Variants in CNTLN observed in about 807,000 individuals in gnomAD.
CNTLN encodes centlein, also known as centlein, centrosomal protein.
In CNTLN, 212 loss-of-function variants were observed where a neutral mutation model predicts 180.0. The ratio of observed to expected loss-of-function variants is 1.18; its 90% CI spans 1.05 to 1.32. CNTLN has a LOEUF of 1.32. Ranked by LOEUF, CNTLN falls within the 40% of genes most tolerant of loss-of-function variation. CNTLN has a pLI of 0.00. For missense variants in CNTLN, 2,095 were observed against 1,610.9 expected (o/e 1.30, Z -5.14); for synonymous variants, 722 against 563.1 (o/e 1.28, Z -3.99).
chr9:17,432,502 G>A lies in CNTLN; in HGVS notation c.3114+16313G>A, dbSNP rs138086354. Among the ~76,000 whole-genome samples the A allele has an allele frequency of 4.4e-3, 666 of 152,242 alleles. 12 individuals are homozygous for A. Among genetic ancestry groups the A allele is most frequent in the Admixed American group, 0.033 (510 of 15,300 alleles). On this transcript the variant is annotated intron_variant, in intron 18 of 25. Transcript: ENST00000380647. Reference sequence around the variant, plus strand: ...TAGAGACAAAGGAATGAAAAACACAGAAGATATATGAGTTATGAAGGGAAA... The same window carrying A: ...TAGAGACAAAGGAATGAAAAACACAAAAGATATATGAGTTATGAAGGGAAA...
intron 13 of CNTLN, among the ~76,000 whole-genome samples, chr9:17,383,634 G>A (rs1033317605): frequency 6.6e-6 from 1 of 151,786 alleles, no homozygotes; most frequent in East Asian, 1.9e-4. Context: ...GAAGTAATTC[G>A]TAACATGAAT....
intron 15 of CNTLN, among the ~76,000 whole-genome samples, chr9:17,398,090 T>C (rs148079352): frequency 2.0e-5 from 3 of 152,276 alleles, no homozygotes; most frequent in African/African-American, 7.2e-5. Flanking sequence ...TCAGTATTTA[T>C]TTCCCATAGT....
chr9:17,246,753 C>T (rs529888719), intron 5 of CNTLN, among the ~76,000 whole-genome samples: 157 of 152,292 alleles, frequency 1.0e-3, no homozygotes, highest in African/African-American at 3.6e-3. Flanking sequence ...AACCAAGCAT[C>T]AATACAAAGT....
intron 12 of CNTLN, among the ~76,000 whole-genome samples, chr9:17,351,718 C>T (rs977851402): frequency 2.0e-5 from 3 of 152,170 alleles, no homozygotes; most frequent in Non-Finnish European, 4.4e-5. Context: ...TAAACATCTG[C>T]ATCCACTCTT....
intron 2 of CNTLN, among the ~76,000 whole-genome samples, chr9:17,173,499 G>A (rs532047051): frequency 2.6e-5 from 4 of 152,260 alleles, no homozygotes; most frequent in African/African-American, 7.2e-5. Context: ...TTGTAGAAGC[G>A]TGGACAGATG....
At chr9:17,235,354 A>G (rs1825074247) in intron 3 of CNTLN, among the ~76,000 whole-genome samples, 1 of 152,166 alleles carries the variant, frequency 6.6e-6, no homozygotes, top group East Asian at 1.9e-4. Context: ...TTTAATTAGA[A>G]TGGTTCGTAA....
intron 2 of CNTLN, among the ~76,000 whole-genome samples, chr9:17,211,207 T>G (rs1342118469): frequency 6.6e-6 from 1 of 152,220 alleles, no homozygotes; most frequent in Non-Finnish European, 1.5e-5. Context: ...TTTAAGTCTT[T>G]AATCCCTCTT....
At chr9:17,251,386 G>A (rs1576961) in intron 5 of CNTLN, among the ~76,000 whole-genome samples, 31,059 of 151,576 alleles carry the variant, frequency 0.2, 4,031 homozygotes, top group African/African-American at 0.36. Context: ...CCCATAATAT[G>A]TGTGTTGGTC....
chr9:17,381,407 A>G (rs559130140), intron 13 of CNTLN, among the ~76,000 whole-genome samples: 1 of 152,362 alleles, frequency 6.6e-6, no homozygotes, highest in South Asian at 2.1e-4. Context: ...AGCATTCTGC[A>G]CTGACACCTC....
intron 23 of CNTLN, among the ~76,000 whole-genome samples, chr9:17,469,059 C>T (rs1010805664): frequency 4.6e-5 from 7 of 151,668 alleles, no homozygotes; most frequent in Non-Finnish European, 1.0e-4. Context: ...TTACCTTCAT[C>T]AGAATCCTGT....
rs775986829 is a variant in CNTLN at position 17,179,243 on chromosome 9, CAAAAAAAAAA to C, written c.449+35878_449+35887del. The stretch of plus-strand genomic sequence containing the variant: ...TGGGCGACAGAGCGAGACTCCGTCT[CAAAAAAAAAA>C]AAAAAAAAAAGAAGAAGTGTAGATT... On this transcript the variant is annotated intron_variant, in intron 2 of 25. Transcript: ENST00000380647. 7.2e-4 allele frequency among the ~76,000 whole-genome samples: 45 copies of C among 62,234 alleles called. 1 individual carries two copies. The highest frequency in any genetic ancestry group is 1.1e-3 in the Non-Finnish European group (30 of 28,040). 40.8% of individuals were successfully genotyped at this position (62,234 alleles called of 152,430 possible).
chr9:17,321,714 T>C (rs10810755), intron 8 of CNTLN, among the ~76,000 whole-genome samples: 36,608 of 152,112 alleles, frequency 0.24, 4,592 homozygotes, highest in South Asian at 0.37. Flanking sequence ...TTGTAGTACC[T>C]TTACTTGGGC....
At chr9:17,411,644 G>A (rs757351032) in intron 16 of CNTLN, among the ~76,000 whole-genome samples, 1 of 152,134 alleles carries the variant, frequency 6.6e-6, no homozygotes, top group Non-Finnish European at 1.5e-5. Context: ...TTAGACCAGC[G>A]GAGGCATTAG....
At chr9:17,316,986 C>A (rs1819581994) in intron 8 of CNTLN, among the ~76,000 whole-genome samples, 1 of 151,850 alleles carries the variant, frequency 6.6e-6, no homozygotes, top group Admixed American at 6.6e-5. Context: ...CCCATCAGTA[C>A]AGATTTATAA....
At chr9:17,475,605 G>T (rs1048951292) in intron 23 of CNTLN, among the ~76,000 whole-genome samples, 10 of 151,972 alleles carry the variant, frequency 6.6e-5, no homozygotes, top group African/African-American at 1.9e-4. Flanking sequence ...GGGCACAGTG[G>T]CTCACGTCTG....
intron 8 of CNTLN, among the ~76,000 whole-genome samples, chr9:17,313,728 T>G (rs1353232995): frequency 1.3e-5 from 2 of 152,250 alleles, no homozygotes; most frequent in African/African-American, 4.8e-5. Context: ...CTTTCTTTTC[T>G]CCTTTTGAGA....
chr9:17,211,463 T>C (rs1277144476), intron 2 of CNTLN, among the ~76,000 whole-genome samples: 2 of 151,986 alleles, frequency 1.3e-5, no homozygotes, highest in African/African-American at 2.4e-5. Context: ...TGTAGCTTTG[T>C]AGTATAGTTT....
At chr9:17,197,327 A>G (rs1330209240) in intron 2 of CNTLN, among the ~76,000 whole-genome samples, 3 of 152,294 alleles carry the variant, frequency 2.0e-5, no homozygotes, top group African/African-American at 7.2e-5. Context: ...GATAAAAGCC[A>G]TTTGACTGGA....
At chr9:17,344,907 G>C (rs563757252) in intron 12 of CNTLN, among the ~76,000 whole-genome samples, 1 of 151,924 alleles carries the variant, frequency 6.6e-6, no homozygotes, top group Non-Finnish European at 1.5e-5. Flanking sequence ...TCTTCCTACC[G>C]CCACTAATAC....
Sources: gnomAD v4.1 joint callset for allele counts (sites outside exome capture counted in the v4.1 genomes callset) on GRCh38, gnomAD v4.1.1 for gene constraint, MANE v1.5 for transcripts, NCBI Gene and HGNC (gene_info 2026-07-23, HGNC 2026-07-21) for gene names.